KDM6A: variants seen among roughly 807,000 people sequenced by gnomAD.
KDM6A encodes lysine demethylase 6A.
In KDM6A, 11 loss-of-function variants were observed where a neutral mutation model predicts 117.6. The observed-to-expected ratio is 0.09, with a 90% CI of 0.06 to 0.15. The LOEUF (loss-of-function observed/expected upper bound fraction) is 0.15, where lower values mean the gene tolerates loss of function less well. Ranked by LOEUF, KDM6A falls within the 10% of genes least tolerant of loss-of-function variation. The probability of loss-of-function intolerance (pLI) is 1.00; values close to 1 mark genes in which losing one functional copy is unlikely to be tolerated. For synonymous variants in KDM6A, 384 were observed against 396.1 expected (o/e 0.97, Z 0.36); for missense variants, 799 against 1,077.3 (o/e 0.74, Z 3.62).
At chrX:45,009,629 C>CTGTTTA (rs758413037) in intron 4 of KDM6A, among the ~76,000 whole-genome samples, 206 of 111,807 alleles carry the variant, frequency 1.8e-3, no homozygotes, top group Non-Finnish European at 2.7e-3. Flanking sequence ...CTCTGACAAG[C>CTGTTTA]TGTTTACATT....
rs746359853 is a variant in KDM6A, at chrX:44,921,405, T to C, written c.226-39879T>C. On this transcript the variant is annotated intron_variant, in intron 2 of 29. Coordinates refer to ENST00000611820, the MANE Select transcript of KDM6A (RefSeq NM_001291415.2). ...TTATTTGTGCGTGTTTGTATGGCTC[T>C]ATGCAATTTTATTAGGTGTAGTTTC... Among the ~76,000 whole-genome samples, 15 of 111,637 alleles carry C rather than the reference T, an allele frequency of 1.3e-4. No individual in the cohort carries two copies. The South Asian group carries it at 5.6e-3, about 42-fold the overall frequency.
intron 2 of KDM6A, among the ~76,000 whole-genome samples, chrX:44,958,424 C>T (rs1044892600): frequency 1.8e-5 from 2 of 109,410 alleles, no homozygotes; most frequent in East Asian, 2.8e-4. Flanking sequence ...CCTTGTGATC[C>T]GCCTGCCTCA....
At chrX:44,988,433 C>G (rs780761197) in intron 4 of KDM6A, among the ~76,000 whole-genome samples, 1 of 111,764 alleles carries the variant, frequency 8.9e-6, no homozygotes, top group African/African-American at 3.3e-5. Context: ...CTCCATCCAG[C>G]TTTGTTCCGT....
intron 18 of KDM6A, among the ~76,000 whole-genome samples, chrX:45,072,587 C>T (rs2044903013): frequency 9.1e-6 from 1 of 110,004 alleles, no homozygotes; most frequent in African/African-American, 3.3e-5. Flanking sequence ...CACTCATCTG[C>T]TGGGGCCTCT....
At chrX:45,100,263 C>T (rs1306272994) in intron 27 of KDM6A, among the ~76,000 whole-genome samples, 1 of 111,139 alleles carries the variant, frequency 9.0e-6, no homozygotes, top group Non-Finnish European at 1.9e-5. Context: ...ACTGTTGGTA[C>T]TGATGAGAGT....
intron 2 of KDM6A, among the ~76,000 whole-genome samples, chrX:44,886,935 ATCTT>A (rs1390238768): frequency 9.4e-6 from 1 of 106,268 alleles, no homozygotes; most frequent in Non-Finnish European, 1.9e-5. Flanking sequence ...ATAGATGAAT[ATCTT>A]TTTTTTTTTT....
intron 3 of KDM6A, among the ~76,000 whole-genome samples, chrX:44,965,771 C>T (rs1281403690): frequency 8.9e-6 from 1 of 112,128 alleles, no homozygotes; most frequent in East Asian, 2.8e-4. Context: ...TGACACAGAG[C>T]CATTAAGTGA....
chrX:44,981,398 G>A (rs1330174852), intron 4 of KDM6A, among the ~76,000 whole-genome samples: 2 of 111,996 alleles, frequency 1.8e-5, no homozygotes, highest in African/African-American at 6.5e-5. Context: ...ATGAAGAGAT[G>A]CATAGGATGA....
chrX:44,996,468 A>G (rs1166790006), intron 4 of KDM6A, among the ~76,000 whole-genome samples: 1 of 108,547 alleles, frequency 9.2e-6, no homozygotes, highest in Non-Finnish European at 1.9e-5. Flanking sequence ...GTCACTTACT[A>G]GTTATGAGAT....
At chrX:44,979,498 G>A (rs1253548435) in intron 4 of KDM6A, among the ~76,000 whole-genome samples, 1 of 110,354 alleles carries the variant, frequency 9.1e-6, no homozygotes, top group African/African-American at 3.3e-5. Flanking sequence ...CCCTTTGTCA[G>A]ATACTTGTTT....
rs2044726547 is a variant in KDM6A at position 45,069,729 on chromosome X, C to G, written c.2230C>G (p.Gln744Glu). ...HPTLPSNSVT[Q>E]GAALNHLSSH... ...CACCCTGCCTAGCAATTCAGTAACACAGGGGGCTGCTCTCAATCACCTCTC... is the reference window on the plus strand; with the variant it reads ...CACCCTGCCTAGCAATTCAGTAACAGAGGGGGCTGCTCTCAATCACCTCTC... The change falls in exon 18 of 30, where the codon CAG becomes GAG. Residue 744 changes from glutamine to glutamate, a missense_variant. Physicochemically the swap from Gln to Glu is conservative, Grantham distance 29. This residue lies in a region of KDM6A where 301 missense variants were observed against 318.3 expected (regional missense o/e 0.95). Transcript: ENST00000611820. The G allele has an allele frequency of 8.3e-7, 1 of 1,209,597 alleles. No homozygotes were observed. Among genetic ancestry groups the G allele is most frequent in the Non-Finnish European group, 1.1e-6 (1 of 894,647 alleles).
chrX:44,995,010 T>C (rs2040797709), intron 4 of KDM6A, among the ~76,000 whole-genome samples: 1 of 112,217 alleles, frequency 8.9e-6, no homozygotes, highest in African/African-American at 3.2e-5. Flanking sequence ...TTAGAACTCA[T>C]ATATAACATA....
chrX:44,938,770 G>C (rs1421718481), intron 2 of KDM6A, among the ~76,000 whole-genome samples: 1 of 112,298 alleles, frequency 8.9e-6, no homozygotes, highest in Non-Finnish European at 1.9e-5. Context: ...TTTGTTAGGG[G>C]CTAATGCAGC....
intron 4 of KDM6A, among the ~76,000 whole-genome samples, chrX:45,002,851 T>TCCCC (rs1329939302): frequency 1.6e-5 from 1 of 63,885 alleles, no homozygotes; most frequent in African/African-American, 7.4e-5. Context: ...TATAAATTCT[T>TCCCC]CCCCTCCCCG....
At chrX:45,068,805 T>TCTTTCTCTTTCTCTTTCTCTTTCC in intron 17 of KDM6A, among the ~76,000 whole-genome samples, 2 of 98,835 alleles carry the variant, frequency 2.0e-5, no homozygotes, top group African/African-American at 8.0e-5. Context: ...TTTCTCTTTC[T>TCTTTCTCTTTCTCTTTCTCTTTCC]CTTTCTCTTT....
intron 6 of KDM6A, among the ~76,000 whole-genome samples, chrX:45,026,422 CATG>C (rs1259194309): frequency 4.5e-5 from 5 of 112,026 alleles, no homozygotes; most frequent in African/African-American, 1.3e-4. Flanking sequence ...TACATGAAGA[CATG>C]ATCATGTATG....
chrX:44,954,945 G>A (rs917082416), intron 2 of KDM6A, among the ~76,000 whole-genome samples: 2 of 111,077 alleles, frequency 1.8e-5, no homozygotes. Context: ...AAGTGTTAGG[G>A]AAGACTTAGC....
intron 3 of KDM6A, among the ~76,000 whole-genome samples, chrX:44,974,075 TA>T (rs1002024697): frequency 9.0e-6 from 1 of 111,421 alleles, no homozygotes; most frequent in Non-Finnish European, 1.9e-5. Flanking sequence ...TGATAATTCT[TA>T]GCTGTCCATA....
intron 2 of KDM6A, among the ~76,000 whole-genome samples, chrX:44,959,192 A>G (rs892181248): frequency 2.7e-5 from 3 of 110,472 alleles, no homozygotes; most frequent in Non-Finnish European, 3.8e-5. Flanking sequence ...TGGTAGGTGC[A>G]TGGCAGCTTT....
Sources: allele counts gnomAD v4.1 joint callset (sites outside exome capture counted in the v4.1 genomes callset), GRCh38; gene constraint gnomAD v4.1.1; regional missense constraint gnomAD v4.1.1; transcripts MANE v1.5; gene names NCBI Gene and HGNC (gene_info 2026-07-23, HGNC 2026-07-21).